The following CAMTA1 variants were observed in gnomAD, a reference collection of about 807,000 sequenced individuals.
CAMTA1 encodes the protein calmodulin binding transcription activator 1.
In CAMTA1, 27 loss-of-function variants were observed where a neutral mutation model predicts 170.9. The ratio of observed to expected loss-of-function variants is 0.16; its 90% CI spans 0.12 to 0.22. The LOEUF (loss-of-function observed/expected upper bound fraction) is 0.22. CAMTA1 is among the 10% of genes least tolerant of loss of function. CAMTA1 has a pLI of 1.00. For synonymous variants in CAMTA1, 833 were observed against 891.5 expected, an observed-to-expected ratio of 0.93 and a Z score of 1.17; for missense variants, 1,619 against 2,217.2, an observed-to-expected ratio of 0.73 and a Z score of 5.42.
In CAMTA1 at chr1:7,664,178, C is replaced by T. The variant is rs1003339573; in HGVS notation, c.1631C>T (p.Ala544Val). 1 of 1,612,704 alleles carries T rather than the reference C, an allele frequency of 6.2e-7. No individual in the cohort carries two copies. Among genetic ancestry groups the T allele is most frequent in the East Asian group, 2.2e-5 (1 of 44,888 alleles). ...TEDTSFEQQM[A>V]KEAYSSSAAA... The stretch of plus-strand genomic sequence containing the variant: ...GACACCTCCTTCGAGCAGCAGATGG[C>T]CAAAGAAGCGTACTCCTCCTCCGCG... Residue 544 changes from alanine to valine, a missense_variant, in exon 9 of 23, where the codon GCC (alanine) becomes GTC (valine). By Grantham distance (64) the Ala-to-Val change is moderately conservative (BLOSUM62 0). Coordinates refer to ENST00000303635, the MANE Select transcript of CAMTA1 (RefSeq NM_015215.4).
At chr1:7,205,239 G>A (rs1478919826) in intron 4 of CAMTA1, among the ~76,000 whole-genome samples, 2 of 152,014 alleles carry the variant, frequency 1.3e-5, no homozygotes, top group Non-Finnish European at 2.9e-5. Context: ...AAGTAGCTAG[G>A]ATTACAGGCA....
chr1:7,389,492 G>T, intron 5 of CAMTA1: 1 of 152,612 alleles, frequency 6.6e-6, no homozygotes. Flanking sequence ...AGTGCAGGAA[G>T]GCAGGGGCAC....
chr1:7,493,218 C>A (rs2093757959), intron 6 of CAMTA1, among the ~76,000 whole-genome samples: 1 of 151,512 alleles, frequency 6.6e-6, no homozygotes, highest in African/African-American at 2.4e-5. Flanking sequence ...CCTACATACA[C>A]ACGCACACAC....
Position 7,085,424 on chromosome 1 carries a change from G to C in CAMTA1, c.235-5880G>C, listed in dbSNP as rs114660622. On this transcript the variant is annotated intron_variant, in intron 3 of 22. Transcript: ENST00000303635. ...GCAGTCATCTTCAGACACAGGAACT[G>C]TACGGGGCTCTACAGTGACAGACGG... Among the ~76,000 whole-genome samples the C allele has an allele frequency of 3.6e-3, 555 of 152,360 alleles. 3 individuals carry two copies. The highest frequency in any genetic ancestry group is 0.012 in the African/African-American group (517 of 41,592).
At position 6,946,681 on chromosome 1, in the gene CAMTA1, G is replaced by A. The variant is rs146266471; in HGVS notation, c.234+121471G>A. 1.6e-4 allele frequency among the ~76,000 whole-genome samples: 25 copies of A among 152,264 alleles called. No homozygotes were observed. In the East Asian group the frequency reaches 3.1e-3, roughly 19 times the overall value. On this transcript the variant is annotated intron_variant, in intron 3 of 22. Transcript: ENST00000303635. ...ATAGTATTTGTCTTTTTATCATTGT[G>A]TTGTGAGAGTTCTTTATATATTCTA...
chr1:6,806,963 A>T (rs1369403438), intron 1 of CAMTA1: 3 of 527,594 alleles, frequency 5.7e-6, no homozygotes, highest in Non-Finnish European at 1.0e-5. Context: ...AACAAATAAC[A>T]AAGTGCCTAT....
intron 6 of CAMTA1, among the ~76,000 whole-genome samples, chr1:7,497,780 C>T (rs376846285): frequency 7.9e-5 from 12 of 152,294 alleles, no homozygotes; most frequent in Non-Finnish European, 1.5e-4. Context: ...GACTGGAGTG[C>T]GCCTTAGTAA....
At chr1:7,723,606 A>G (rs2096663460) in intron 11 of CAMTA1, among the ~76,000 whole-genome samples, 1 of 152,188 alleles carries the variant, frequency 6.6e-6, no homozygotes, top group African/African-American at 2.4e-5. Context: ...TTCACAGTAC[A>G]GCAATGTAGC....
At chr1:7,410,706 C>A (rs544477518) in intron 5 of CAMTA1, among the ~76,000 whole-genome samples, 360 of 152,308 alleles carry the variant, frequency 2.4e-3, no homozygotes, top group African/African-American at 8.5e-3. Context: ...TTGATGACGT[C>A]CCCACAGCCC....
At chr1:7,415,037 AG>A (rs1258708378) in intron 5 of CAMTA1, among the ~76,000 whole-genome samples, 1 of 151,674 alleles carries the variant, frequency 6.6e-6, no homozygotes, top group East Asian at 1.9e-4. Context: ...ATTCAGGAGC[AG>A]GTTGTTCAGT....
Position 7,565,678 on chromosome 1 carries a change from G to A in CAMTA1, c.511-74722G>A, listed in dbSNP as rs1179746457. Among the ~76,000 whole-genome samples, 1 of 152,126 alleles carries A rather than the reference G, an allele frequency of 6.6e-6. No individual in the cohort carries two copies. Among genetic ancestry groups the A allele is most frequent in the Non-Finnish European group, 1.5e-5 (1 of 68,024 alleles). Reference sequence around the variant, plus strand: ...TCAGCCATACTGTGGGGCTCCTTGGGGAAAGGAATTCCTGGGTATTTTCTG... The same window carrying A: ...TCAGCCATACTGTGGGGCTCCTTGGAGAAAGGAATTCCTGGGTATTTTCTG... On this transcript the variant is annotated intron_variant, in intron 6 of 22. Coordinates refer to ENST00000303635, the MANE Select transcript of CAMTA1 (RefSeq NM_015215.4). The surrounding 1 kb of genome is among the most constrained non-coding windows in gnomAD (Gnocchi z 4.5).
At chr1:7,222,285 C>T (rs757766879) in intron 4 of CAMTA1, among the ~76,000 whole-genome samples, 39 of 152,284 alleles carry the variant, frequency 2.6e-4, no homozygotes, top group Non-Finnish European at 3.8e-4. Flanking sequence ...GATGAGACAT[C>T]GCCCGGGCTG....
chr1:7,637,482 T>C (rs1261057229), intron 6 of CAMTA1, among the ~76,000 whole-genome samples: 1 of 152,182 alleles, frequency 6.6e-6, no homozygotes. Context: ...TGTTGGTCTG[T>C]AGGAAGAACA....
intron 3 of CAMTA1, among the ~76,000 whole-genome samples, chr1:6,828,955 G>T (rs1178082033): frequency 2.1e-5 from 3 of 144,630 alleles, no homozygotes; most frequent in South Asian, 2.2e-4. Context: ...GGAATGCAGT[G>T]GTGTCATCTC....
In CAMTA1 at chr1:7,555,882, G is replaced by T. The variant is rs75862443; in HGVS notation, c.511-84518G>T. On this transcript the variant is annotated intron_variant, in intron 6 of 22. Coordinates refer to ENST00000303635, the MANE Select transcript of CAMTA1 (RefSeq NM_015215.4). ...TCTCACACCAGCTCCAATCTAAGCC[G>T]CTAGGGCCCTTTTTTCCAAATGCGG... Among the ~76,000 whole-genome samples the T allele has an allele frequency of 1.4e-3, 219 of 152,292 alleles. 5 individuals carry two copies. In the East Asian group the frequency reaches 0.038, roughly 26 times the overall value.
chr1:7,500,641 G>A (rs944036525), intron 6 of CAMTA1, among the ~76,000 whole-genome samples: 1 of 152,164 alleles, frequency 6.6e-6, no homozygotes, highest in Non-Finnish European at 1.5e-5. Flanking sequence ...AGGGCCCTCT[G>A]TTGCTCAGGC....
At position 7,041,585 on chromosome 1, in the gene CAMTA1, C is replaced by T. The variant is rs1274844439; in HGVS notation, c.235-49719C>T. On this transcript the variant is annotated intron_variant, in intron 3 of 22. Coordinates refer to ENST00000303635, the MANE Select transcript of CAMTA1 (RefSeq NM_015215.4). This position sits in a 1 kb window ranked among gnomAD's most constrained non-coding sequence, Gnocchi z 5.1. ...AAGACAGTTCTGTAGAAATGTGAAACATTATTATGTTATAGAATATTGGAG... is the reference window on the plus strand; with the variant it reads ...AAGACAGTTCTGTAGAAATGTGAAATATTATTATGTTATAGAATATTGGAG... 6.6e-6 allele frequency among the ~76,000 whole-genome samples: 1 copy of T among 152,170 alleles called. No homozygotes were observed. The highest frequency in any genetic ancestry group is 6.5e-5 in the Admixed American group (1 of 15,280).
At chr1:7,392,823 G>A (rs1169749429) in intron 5 of CAMTA1, among the ~76,000 whole-genome samples, 1 of 151,822 alleles carries the variant, frequency 6.6e-6, no homozygotes, top group Non-Finnish European at 1.5e-5. Context: ...GCAGTGAGCC[G>A]AGATCACGCC....
chr1:7,284,661 G>T lies in CAMTA1; in HGVS notation c.438+35035G>T, dbSNP rs149560037. On this transcript the variant is annotated intron_variant, in intron 5 of 22. Coordinates refer to ENST00000303635, the MANE Select transcript of CAMTA1 (RefSeq NM_015215.4). ...CTGGCATTCCAGCCTCTCCTGGGCC[G>T]TGGGCTTCTTCCTTCCCTGTGCTTA... Among the ~76,000 whole-genome samples the T allele has an allele frequency of 4.4e-3, 672 of 152,288 alleles. 8 individuals are homozygous for T. Among genetic ancestry groups the T allele is most frequent in the Admixed American group, 0.024 (368 of 15,304 alleles).
Sources: gnomAD v4.1 joint callset for allele counts (sites outside exome capture counted in the v4.1 genomes callset) on GRCh38, gnomAD v4.1.1 for gene constraint, Gnocchi (gnomAD v3.1) non-coding constraint, MANE v1.5 for transcripts, NCBI Gene and HGNC (gene_info 2026-07-23, HGNC 2026-07-21) for gene names.